SLC1A1: variants seen among roughly 807,000 people sequenced by gnomAD.
SLC1A1 encodes solute carrier family 1 member 1.
Under a neutral mutation model 53.3 loss-of-function variants are expected in SLC1A1, and 43 were observed. The observed-to-expected ratio is 0.81, with a 90% CI of 0.63 to 1.04. The LOEUF (loss-of-function observed/expected upper bound fraction) is 1.04. Ranked by LOEUF, SLC1A1 falls within the 50% of genes least tolerant of loss-of-function variation. SLC1A1 has a pLI of 0.00. For missense variants in SLC1A1, 748 were observed against 664.9 expected (o/e 1.12, Z -1.37); for synonymous variants, 307 against 243.2 (o/e 1.26, Z -2.44).
chr9:4,504,303 CT>C, intron 1 of SLC1A1, among the ~76,000 whole-genome samples: 1 of 152,156 alleles, frequency 6.6e-6, no homozygotes, highest in East Asian at 1.9e-4. Context: ...GAATTTATTT[CT>C]GGATTTTCCC....
chr9:4,542,547 G>A (rs761445552), intron 1 of SLC1A1, among the ~76,000 whole-genome samples: 1 of 152,170 alleles, frequency 6.6e-6, no homozygotes, highest in African/African-American at 2.4e-5. Flanking sequence ...TAGTGTTTGA[G>A]TACAGACACA....
intron 2 of SLC1A1, among the ~76,000 whole-genome samples, chr9:4,554,988 C>A (rs1818242360): frequency 6.6e-6 from 1 of 152,228 alleles, no homozygotes; most frequent in African/African-American, 2.4e-5. Flanking sequence ...GACATTATTT[C>A]TAATCCTCAC....
intron 1 of SLC1A1, among the ~76,000 whole-genome samples, chr9:4,497,773 G>A (rs912509694): frequency 6.6e-6 from 1 of 152,056 alleles, no homozygotes; most frequent in African/African-American, 2.4e-5. Flanking sequence ...ATAAAATGAG[G>A]CCATAAAGTA....
At chr9:4,495,200 C>T (rs943259625) in intron 1 of SLC1A1, among the ~76,000 whole-genome samples, 9 of 152,088 alleles carry the variant, frequency 5.9e-5, no homozygotes, top group East Asian at 1.9e-4. Flanking sequence ...CAGGGCCCAG[C>T]GGCGGTTCAC....
chr9:4,582,580 G>A (rs1224794039), intron 10 of SLC1A1, among the ~76,000 whole-genome samples: 1 of 152,186 alleles, frequency 6.6e-6, no homozygotes, highest in African/African-American at 2.4e-5. Context: ...TATATTAGGT[G>A]CTCAGTAAAT....
chr9:4,495,623 C>A (rs1820387411), intron 1 of SLC1A1, among the ~76,000 whole-genome samples: 1 of 151,808 alleles, frequency 6.6e-6, no homozygotes, highest in East Asian at 1.9e-4. Flanking sequence ...GGGGAGCATC[C>A]TAGTTTGTGT....
At chr9:4,530,192 C>T (rs924562819) in intron 1 of SLC1A1, among the ~76,000 whole-genome samples, 1 of 151,934 alleles carries the variant, frequency 6.6e-6, no homozygotes, top group African/African-American at 2.4e-5. Context: ...AAAAGAGGGC[C>T]CAATTCTTCC....
chr9:4,567,910 A>C (rs981241567), intron 6 of SLC1A1, 143 bp downstream of exon 6: 7 of 702,002 alleles, frequency 1.0e-5, no homozygotes, highest in Non-Finnish European at 1.8e-5. Flanking sequence ...TGACCCCAAA[A>C]TCCATACTTA....
chr9:4,542,676 C>T (rs894511790), intron 1 of SLC1A1, among the ~76,000 whole-genome samples: 5 of 152,274 alleles, frequency 3.3e-5, no homozygotes, highest in Middle Eastern at 3.4e-3. Context: ...TACAGCGTAT[C>T]CTTAGGGCAT....
chr9:4,499,016 TATAA>T (rs1343343473), intron 1 of SLC1A1, among the ~76,000 whole-genome samples: 3 of 142,676 alleles, frequency 2.1e-5, no homozygotes, highest in African/African-American at 7.8e-5. Flanking sequence ...ATTATATATA[TATAA>T]GATTACATAT....
In SLC1A1 at chr9:4,544,640, T is replaced by C. The variant is rs142903137; in HGVS notation, c.165T>C (p.Pro55=). The change falls in exon 2 of 12, where the codon CCT becomes CCC. Residue 55 remains proline (P), a synonymous_variant. Coordinates refer to ENST00000262352, the MANE Select transcript of SLC1A1 (RefSeq NM_004170.6). ...STLEKFYFAF[P]GEILMRMLKL... Reference sequence around the variant, plus strand: ...TAGAGAAATTCTACTTTGCTTTTCCTGGAGAAATTCTAATGCGGATGCTGA... The same window carrying C: ...TAGAGAAATTCTACTTTGCTTTTCCCGGAGAAATTCTAATGCGGATGCTGA... 8.8e-3 allele frequency: 14,123 copies of C among 1,613,630 alleles called. 77 individuals carry two copies. Among genetic ancestry groups the C allele is most frequent in the Non-Finnish European group, 0.011 (12,511 of 1,179,506 alleles).
chr9:4,497,790 C>T (rs1398312858), intron 1 of SLC1A1, among the ~76,000 whole-genome samples: 3 of 152,282 alleles, frequency 2.0e-5, no homozygotes, highest in East Asian at 1.9e-4. Context: ...AGTAATGAGA[C>T]TGACTCTTAA....
intron 5 of SLC1A1, 60 bp from the exon 6 acceptor site, chr9:4,567,609 C>G (rs1208847016): frequency 6.3e-6 from 7 of 1,116,058 alleles, no homozygotes; most frequent in Non-Finnish European, 9.4e-6. Flanking sequence ...GATTTAGTCT[C>G]AAAAGCTTAA....
intron 2 of SLC1A1, among the ~76,000 whole-genome samples, chr9:4,555,112 C>T (rs903358008): frequency 1.3e-5 from 2 of 152,218 alleles, no homozygotes; most frequent in Non-Finnish European, 2.9e-5. Context: ...TGGGAGGAGG[C>T]TGGGATTTGA....
intron 1 of SLC1A1, among the ~76,000 whole-genome samples, chr9:4,523,784 TTAAAATCTCC>T (rs1159330436): frequency 6.6e-6 from 1 of 152,256 alleles, no homozygotes; most frequent in Non-Finnish European, 1.5e-5. Context: ...TAGTCTCATT[TTAAAATCTCC>T]TAATGACTCC....
At chr9:4,506,820 A>T (rs1335861318) in intron 1 of SLC1A1, among the ~76,000 whole-genome samples, 1 of 152,174 alleles carries the variant, frequency 6.6e-6, no homozygotes, top group Non-Finnish European at 1.5e-5. Context: ...GCAGCCAGTA[A>T]TTCTTTCTTA....
At chr9:4,541,537 A>G (rs1055370154) in intron 1 of SLC1A1, among the ~76,000 whole-genome samples, 1 of 152,084 alleles carries the variant, frequency 6.6e-6, no homozygotes, top group East Asian at 1.9e-4. Flanking sequence ...GCTAGTCTAT[A>G]ATGAAGATCC....
At chr9:4,564,093 A>T (rs79374017) in intron 3 of SLC1A1, among the ~76,000 whole-genome samples, 1 of 126,974 alleles carries the variant, frequency 7.9e-6, no homozygotes, top group Non-Finnish European at 1.8e-5. Flanking sequence ...TAAAACACAC[A>T]TACACACACA....
intron 1 of SLC1A1, among the ~76,000 whole-genome samples, chr9:4,534,069 G>A (rs924351729): frequency 6.6e-6 from 1 of 152,156 alleles, no homozygotes; most frequent in African/African-American, 2.4e-5. Context: ...AGTGTGTAGA[G>A]GGAAATTTAT....
Sources: allele counts gnomAD v4.1 joint callset (sites outside exome capture counted in the v4.1 genomes callset), GRCh38; gene constraint gnomAD v4.1.1; transcripts MANE v1.5; gene names NCBI Gene and HGNC (gene_info 2026-07-23, HGNC 2026-07-21).